Variants in PXDNL observed in about 807,000 individuals in gnomAD.
PXDNL encodes the protein peroxidasin like, also known as probable oxidoreductase PXDNL.
A neutral mutation model predicts 150.8 loss-of-function variants in PXDNL; 145 were observed. The observed-to-expected ratio is 0.96, with a 90% CI of 0.84 to 1.10. The LOEUF (loss-of-function observed/expected upper bound fraction) is 1.10. PXDNL is among the 50% of genes least tolerant of loss of function. The probability of loss-of-function intolerance (pLI) is 0.00; values close to 1 mark genes in which losing one functional copy is unlikely to be tolerated. For missense variants in PXDNL, 2,087 were observed against 1,873.9 expected, an observed-to-expected ratio of 1.11 and a Z score of -2.10; for synonymous variants, 757 against 725.7, an observed-to-expected ratio of 1.04 and a Z score of -0.69.
chr8:51,530,669 C>T (rs1236743798), intron 4 of PXDNL, among the ~76,000 whole-genome samples: 1 of 152,162 alleles, frequency 6.6e-6, no homozygotes. Flanking sequence ...TTAGCTCCGA[C>T]CTGTGGCCTC....
At chr8:51,483,271 A>T (rs1398229835) in intron 6 of PXDNL, among the ~76,000 whole-genome samples, 1 of 152,206 alleles carries the variant, frequency 6.6e-6, no homozygotes, top group Admixed American at 6.5e-5. Context: ...AACAAGGGAA[A>T]ACTGAAGCCT....
intron 5 of PXDNL, among the ~76,000 whole-genome samples, chr8:51,494,458 T>C (rs1187723560): frequency 2.6e-5 from 4 of 152,050 alleles, no homozygotes; most frequent in South Asian, 2.1e-4. Context: ...ATGGGCTAAA[T>C]GCTCCAATTA....
At position 51,721,717 on chromosome 8, in the gene PXDNL, T is replaced by C. The variant is rs1429215911; in HGVS notation, c.165-66957A>G. 3 of 465,444 alleles carry C rather than the reference T, an allele frequency of 6.4e-6. No individual in the cohort carries two copies. In the East Asian group the frequency reaches 1.7e-4, roughly 26 times the overall value. 28.8% of individuals were successfully genotyped at this position (465,444 alleles called of 1,614,324 possible). A position where few individuals can be genotyped will look rare whatever the true frequency, so the allele number is the denominator to read the frequency against. ...AGCCTCATCAAAATTCTCCACAAGA[T>C]CGGGAACTTCACTATCATCATCATC... On this transcript the variant is annotated intron_variant, in intron 1 of 22. Coordinates refer to ENST00000356297, the MANE Select transcript of PXDNL (RefSeq NM_144651.5).
chr8:51,557,345 G>A (rs1812620754), intron 3 of PXDNL, among the ~76,000 whole-genome samples: 2 of 152,148 alleles, frequency 1.3e-5, no homozygotes, highest in African/African-American at 4.8e-5. Context: ...AGATGCATAA[G>A]ATGAATTTTG....
intron 1 of PXDNL, among the ~76,000 whole-genome samples, chr8:51,668,174 C>CTCTTTTTTTTTTT (rs1815426590): frequency 4.6e-5 from 1 of 21,738 alleles, no homozygotes; most frequent in East Asian, 4.3e-3. Flanking sequence ...TTCTCGCTCT[C>CTCTTTTTTTTTTT]TCTTTTTTTT....
intron 5 of PXDNL, among the ~76,000 whole-genome samples, chr8:51,496,841 A>C (rs1188203884): frequency 6.6e-6 from 1 of 152,220 alleles, no homozygotes; most frequent in Non-Finnish European, 1.5e-5. Flanking sequence ...AATCAATGTC[A>C]TGAAAATGGC....
At chr8:51,732,810 A>T (rs1321534482) in intron 1 of PXDNL, among the ~76,000 whole-genome samples, 1 of 152,162 alleles carries the variant, frequency 6.6e-6, no homozygotes, top group East Asian at 1.9e-4. Flanking sequence ...AGACTTGTCC[A>T]CTACCATGAG....
intron 8 of PXDNL, among the ~76,000 whole-genome samples, chr8:51,468,575 G>T (rs940477822): frequency 5.3e-5 from 8 of 151,728 alleles, no homozygotes; most frequent in African/African-American, 1.9e-4. Flanking sequence ...CTGTTTTCAC[G>T]AATGTATTTA....
intron 2 of PXDNL, among the ~76,000 whole-genome samples, chr8:51,641,058 A>G (rs1047100823): frequency 6.6e-5 from 10 of 152,106 alleles, no homozygotes; most frequent in Non-Finnish European, 1.2e-4. Flanking sequence ...CCACATATCT[A>G]CAACCATCTG....
intron 3 of PXDNL, among the ~76,000 whole-genome samples, chr8:51,563,579 C>T (rs943194242): frequency 2.6e-5 from 4 of 151,964 alleles, no homozygotes; most frequent in African/African-American, 9.7e-5. Context: ...AACAGAGATT[C>T]TGAATGGACT....
intron 2 of PXDNL, among the ~76,000 whole-genome samples, chr8:51,607,951 G>C (rs1048791461): frequency 7.4e-6 from 1 of 134,744 alleles, no homozygotes; most frequent in Non-Finnish European, 1.6e-5. Context: ...AGAGAAAGAA[G>C]AAAGAAATAA....
chr8:51,731,375 C>T (rs1281706835), intron 1 of PXDNL, among the ~76,000 whole-genome samples: 1 of 152,348 alleles, frequency 6.6e-6, no homozygotes, highest in Non-Finnish European at 1.5e-5. Context: ...CCAGGTCACA[C>T]TGATGCAAGA....
intron 1 of PXDNL, among the ~76,000 whole-genome samples, chr8:51,698,615 T>C (rs1646162788): frequency 6.6e-6 from 1 of 152,244 alleles, no homozygotes; most frequent in African/African-American, 2.4e-5. Context: ...CCTGTTAATG[T>C]TGATATTTTT....
intron 5 of PXDNL, among the ~76,000 whole-genome samples, chr8:51,495,045 G>A (rs1811011651): frequency 6.6e-6 from 1 of 152,140 alleles, no homozygotes; most frequent in South Asian, 2.1e-4. Flanking sequence ...GCACTCCTCA[G>A]CAAAAGGAAA....
chr8:51,788,276 G>A (rs1018441618), intron 1 of PXDNL, among the ~76,000 whole-genome samples: 19 of 152,168 alleles, frequency 1.2e-4, no homozygotes, highest in African/African-American at 4.3e-4. Flanking sequence ...TGAGGACCAG[G>A]AGATATTCCT....
intron 1 of PXDNL, among the ~76,000 whole-genome samples, chr8:51,708,568 G>A (rs1816431031): frequency 1.3e-5 from 2 of 152,188 alleles, no homozygotes; most frequent in East Asian, 3.9e-4. Context: ...TGGAGTACAG[G>A]CTGAAATTCA....
At chr8:51,612,323 G>A (rs920885626) in intron 2 of PXDNL, among the ~76,000 whole-genome samples, 5 of 152,156 alleles carry the variant, frequency 3.3e-5, no homozygotes, top group Admixed American at 6.5e-5. Context: ...GGAGAAAGGC[G>A]AGTAAAATTG....
chr8:51,637,510 C>A (rs932802920), intron 2 of PXDNL, among the ~76,000 whole-genome samples: 3 of 152,092 alleles, frequency 2.0e-5, no homozygotes, highest in Admixed American at 6.6e-5. Context: ...CCTTAAATGA[C>A]CTGATGGAGC....
intron 4 of PXDNL, among the ~76,000 whole-genome samples, chr8:51,555,290 C>T (rs994561290): frequency 1.3e-5 from 2 of 152,108 alleles, no homozygotes; most frequent in Admixed American, 1.3e-4. Context: ...AGCTTGCTCC[C>T]ACAATAAGAA....
Sources: allele counts gnomAD v4.1 joint callset (sites outside exome capture counted in the v4.1 genomes callset), GRCh38; gene constraint gnomAD v4.1.1; transcripts MANE v1.5; gene names NCBI Gene and HGNC (gene_info 2026-07-23, HGNC 2026-07-21).